PAG1: variants seen among roughly 807,000 people sequenced by gnomAD.
PAG1 encodes phosphoprotein associated with glycosphingolipid-enriched microdomains 1.
Under a neutral mutation model 31.7 loss-of-function variants are expected in PAG1, and 23 were observed. That is an observed-to-expected ratio of 0.73 (90% CI 0.52 to 1.03). The LOEUF is 1.03. Among genes scored for constraint, PAG1 ranks in the 50% least tolerant of loss-of-function variants. The pLI is 0.00. For synonymous variants in PAG1, 214 were observed against 210.3 expected, an observed-to-expected ratio of 1.02 and a Z score of -0.15; for missense variants, 473 against 540.7, an observed-to-expected ratio of 0.87 and a Z score of 1.24.
intron 1 of PAG1, among the ~76,000 whole-genome samples, chr8:81,097,190 G>A (rs958420629): frequency 2.0e-5 from 3 of 152,250 alleles, no homozygotes; most frequent in African/African-American, 7.2e-5. Flanking sequence ...TACTGGGGGT[G>A]GGCCCTGGAA....
chr8:81,063,263 A>G (rs1464467884), intron 2 of PAG1, among the ~76,000 whole-genome samples: 2 of 152,190 alleles, frequency 1.3e-5, no homozygotes, highest in African/African-American at 2.4e-5. Context: ...GGTACTAAGC[A>G]GTTGAGGGAG....
intron 8 of PAG1, among the ~76,000 whole-genome samples, chr8:80,978,567 C>T (rs377685781): frequency 1.3e-5 from 2 of 152,192 alleles, no homozygotes; most frequent in African/African-American, 2.4e-5. Context: ...CCCTCACCAC[C>T]GTTAGCTTCT....
intron 3 of PAG1, among the ~76,000 whole-genome samples, chr8:81,024,588 C>T (rs528166020): frequency 6.6e-6 from 1 of 152,268 alleles, no homozygotes; most frequent in Non-Finnish European, 1.5e-5. Context: ...TGCCATCCCA[C>T]CACAGAGCTG....
Position 80,993,273 on chromosome 8 carries a change from T to G in PAG1, c.-46A>C, listed in dbSNP as rs768707299. The G allele has an allele frequency of 1.9e-6, 3 of 1,561,036 alleles. No individual in the cohort carries two copies. Among genetic ancestry groups the G allele is most frequent in the Non-Finnish European group, 2.6e-6 (3 of 1,154,624 alleles). On this transcript the variant is annotated 5_prime_UTR_variant, in exon 4 of 9. Coordinates refer to ENST00000220597, the MANE Select transcript of PAG1 (RefSeq NM_018440.4). ...CCAGCCGAGGGAATCAGTCAGTCCT[T>G]CAAAGGTGGTGACATGGAGGCAGAG...
chr8:81,000,284 G>C (rs1807761609), intron 3 of PAG1, among the ~76,000 whole-genome samples: 1 of 152,168 alleles, frequency 6.6e-6, no homozygotes. Context: ...AGGAAGAATG[G>C]TGAGTAGATT....
At chr8:81,064,208 G>C (rs969587659) in intron 2 of PAG1, among the ~76,000 whole-genome samples, 1 of 152,156 alleles carries the variant, frequency 6.6e-6, no homozygotes, top group African/African-American at 2.4e-5. Flanking sequence ...ACAGGCAGGG[G>C]GAGTGGGGAT....
chr8:80,991,156 C>T (rs1487143712), intron 5 of PAG1, among the ~76,000 whole-genome samples: 1 of 152,194 alleles, frequency 6.6e-6, no homozygotes, highest in African/African-American at 2.4e-5. Flanking sequence ...ATCCTGCCAA[C>T]ACCTTGATTT....
intron 8 of PAG1, 45 bp from the exon 9 acceptor site, chr8:80,976,951 C>T: frequency 1.3e-6 from 2 of 1,544,352 alleles, no homozygotes; most frequent in Middle Eastern, 1.8e-4. Context: ...GCTGTGACTT[C>T]CCCCTCCCTC....
rs1807180947 is a variant in PAG1, at chr8:80,976,444, A to T, written c.*100T>A. The T allele has an allele frequency of 1.6e-6, 2 of 1,215,682 alleles. No individual in the cohort carries two copies. The highest frequency in any genetic ancestry group is 2.3e-6 in the Non-Finnish European group (2 of 865,718). The allele number at this position is 1,215,682 out of a possible 1,614,324, so 75.3% of individuals were successfully genotyped here. A position where few individuals can be genotyped will look rare whatever the true frequency, so the allele number is the denominator to read the frequency against. On this transcript the variant is annotated 3_prime_UTR_variant, in exon 9 of 9. Transcript: ENST00000220597. ...TCTCCAACCATCTTCAGGTGACTAA[A>T]GCAGCATATGAAGTATAGGTTTGTG...
intron 5 of PAG1, 90 bp downstream of exon 5, chr8:80,991,389 G>T: frequency 9.9e-7 from 1 of 1,012,034 alleles, no homozygotes; most frequent in Non-Finnish European, 1.6e-6. Context: ...GTTCTACTCA[G>T]GCTGTGAGCA....
intron 1 of PAG1, among the ~76,000 whole-genome samples, chr8:81,082,055 C>T (rs954504835): frequency 6.6e-6 from 1 of 151,882 alleles, no homozygotes; most frequent in Non-Finnish European, 1.5e-5. Context: ...GAGTTCAAGA[C>T]CAGCCTGGCC....
intron 2 of PAG1, among the ~76,000 whole-genome samples, chr8:81,056,901 T>C (rs928955482): frequency 1.3e-5 from 2 of 152,056 alleles, no homozygotes. Flanking sequence ...CATCAAAAAG[T>C]GGGCAAAGGA....
At position 81,020,586 on chromosome 8, in the gene PAG1, T is replaced by C. The variant is rs186234918; in HGVS notation, c.-81+9410A>G. Among the ~76,000 whole-genome samples, 22 of 152,324 alleles carry C rather than the reference T, an allele frequency of 1.4e-4. No homozygotes were observed. The East Asian group carries it at 3.7e-3, about 25-fold the overall frequency. ...TCTTCTTTGCCTTCTACCATGATTA[T>C]GAGGCCTCCCAGCCATGTGGAACTG... On this transcript the variant is annotated intron_variant, in intron 3 of 8. Transcript: ENST00000220597.
At chr8:81,033,116 T>C (rs1808402523) in intron 2 of PAG1, among the ~76,000 whole-genome samples, 1 of 152,196 alleles carries the variant, frequency 6.6e-6, no homozygotes, top group African/African-American at 2.4e-5. Flanking sequence ...GGATGACTTG[T>C]ATGGTATGTG....
At chr8:81,057,380 C>T (rs1241506046) in intron 2 of PAG1, among the ~76,000 whole-genome samples, 1 of 152,224 alleles carries the variant, frequency 6.6e-6, no homozygotes, top group African/African-American at 2.4e-5. Context: ...CCACGGAATA[C>T]TATGCAGCCA....
chr8:81,023,747 T>C (rs1356203770), intron 3 of PAG1, among the ~76,000 whole-genome samples: 2 of 152,200 alleles, frequency 1.3e-5, no homozygotes, highest in East Asian at 3.8e-4. Context: ...ACCATATAAA[T>C]GTCCTAATAG....
chr8:81,051,764 CAT>C (rs1465613589), intron 2 of PAG1, among the ~76,000 whole-genome samples: 5 of 152,272 alleles, frequency 3.3e-5, no homozygotes, highest in South Asian at 2.1e-4. Flanking sequence ...AATACAGTGT[CAT>C]GTGCCATTTT....
chr8:81,024,531 T>A (rs1563633376), intron 3 of PAG1, among the ~76,000 whole-genome samples: 1 of 152,220 alleles, frequency 6.6e-6, no homozygotes, highest in Non-Finnish European at 1.5e-5. Flanking sequence ...TAAATGTATG[T>A]ATCCACAAGA....
In PAG1 at chr8:80,993,245, G is replaced by T; in HGVS notation, c.-18C>A. The T allele has an allele frequency of 6.3e-7, 1 of 1,593,646 alleles. No individual in the cohort carries two copies. ...GGCCCCATGGCAGGAGCAGGCACTG[G>T]CACCAGCCGAGGGAATCAGTCAGTC... On this transcript the variant is annotated 5_prime_UTR_variant, in exon 4 of 9. Coordinates refer to ENST00000220597, the MANE Select transcript of PAG1 (RefSeq NM_018440.4).
Sources: gnomAD v4.1 joint callset for allele counts (sites outside exome capture counted in the v4.1 genomes callset) on GRCh38, gnomAD v4.1.1 for gene constraint, MANE v1.5 for transcripts, NCBI Gene and HGNC (gene_info 2026-07-23, HGNC 2026-07-21) for gene names.